Variants in ERBB2 observed in about 807,000 individuals in gnomAD.
The protein encoded by ERBB2 is erb-b2 receptor tyrosine kinase 2.
In ERBB2, 61 loss-of-function variants were observed where a neutral mutation model predicts 149.0. The ratio of observed to expected loss-of-function variants is 0.41; its 90% confidence interval spans 0.33 to 0.51. ERBB2 has a LOEUF of 0.51. Among genes scored for constraint, ERBB2 ranks in the 20% least tolerant of loss-of-function variants. ERBB2 has a pLI of 0.25. For missense variants in ERBB2, 1,205 were observed against 1,655.1 expected (o/e 0.73, Z 4.72); for synonymous variants, 633 against 678.8 (o/e 0.93, Z 1.05).
upstream of ERBB2, among the ~76,000 whole-genome samples, chr17:39,697,755 A>C (rs1567890548): frequency 6.6e-6 from 1 of 151,346 alleles, no homozygotes; most frequent in Non-Finnish European, 1.5e-5. Flanking sequence ...GTGCAGTGGC[A>C]AGATCTCAGC....
chr17:39,706,120 G>A (rs2058421352), intron 1 of ERBB2, among the ~76,000 whole-genome samples: 1 of 152,210 alleles, frequency 6.6e-6, no homozygotes, highest in Non-Finnish European at 1.5e-5. Context: ...ACCAGGCTGG[G>A]GTCCAAGTGG....
rs558623111 is a variant in ERBB2 at position 39,725,950 on chromosome 17, G to A, written c.2872+97G>A. 7.6e-7 allele frequency: 1 copy of A among 1,321,498 alleles called. No homozygotes were observed. Among genetic ancestry groups the A allele is most frequent in the African/African-American group, 1.5e-5 (1 of 67,650 alleles). The allele number at this position is 1,321,498 out of a possible 1,614,324, so 81.9% of individuals were successfully genotyped here. A position where few individuals can be genotyped will look rare whatever the true frequency, so the allele number is the denominator to read the frequency against. Reference sequence around the variant, plus strand: ...ATGAAAGGGGACCAGGATGTATGTAGACCCAGGAGCCCTAGTATGTTAGGA... The same window carrying A: ...ATGAAAGGGGACCAGGATGTATGTAAACCCAGGAGCCCTAGTATGTTAGGA... On this transcript the variant is annotated intron_variant, in intron 23 of 26. Coordinates refer to ENST00000269571, the MANE Select transcript of ERBB2 (RefSeq NM_004448.4). The surrounding 1 kb of genome is among the most constrained non-coding windows in gnomAD (Gnocchi z 4.6).
Position 39,723,710 on chromosome 17 carries a change from C to CT in ERBB2, c.2208+51dup. 1.3e-6 allele frequency: 2 copies of CT among 1,573,866 alleles called. No homozygotes were observed. The highest frequency in any genetic ancestry group is 1.7e-6 in the Non-Finnish European group (2 of 1,159,110). The stretch of plus-strand genomic sequence containing the variant: ...CGGCCCCAGAGGATGGGGGCGGTGC[C>CT]TGGAGGGGTGTGGTCGGCAGTTCTG... On this transcript the variant is annotated intron_variant, in intron 18 of 26. Coordinates refer to ENST00000269571, the MANE Select transcript of ERBB2 (RefSeq NM_004448.4). The surrounding 1 kb of genome is among the most constrained non-coding windows in gnomAD (Gnocchi z 6.2).
intron 14 of ERBB2, chr17:39,717,117 G>A: frequency 2.0e-6 from 1 of 510,588 alleles, no homozygotes; most frequent in Non-Finnish European, 3.4e-6. Flanking sequence ...TCAAGTCCCT[G>A]CCCAGGATCA....
rs71149796 is a variant in ERBB2, at chr17:39,724,272, A to ATTTTTTTTTTTT, written c.2307+267_2307+278dup. Among the ~76,000 whole-genome samples, 191 of 76,976 alleles carry ATTTTTTTTTTTT rather than the reference A, an allele frequency of 2.5e-3. 21 individuals are homozygous for ATTTTTTTTTTTT. Among genetic ancestry groups the ATTTTTTTTTTTT allele is most frequent in the African/African-American group, 8.0e-3 (176 of 21,928 alleles). 50.5% of individuals were successfully genotyped at this position (76,976 alleles called of 152,430 possible). ...TAGCTGGGATTACAAGCGCCCGCTA[A>ATTTTTTTTTTTT]TTTTTTTTTTTTTTTTGAGACAGAG... On this transcript the variant is annotated intron_variant, in intron 19 of 26. Coordinates refer to ENST00000269571, the MANE Select transcript of ERBB2 (RefSeq NM_004448.4).
At chr17:39,694,226 AATATATATATATATATATATATATATAT>A (rs1417710622), upstream of ERBB2, among the ~76,000 whole-genome samples, 181 of 18,528 alleles carry the variant, frequency 9.8e-3, 3 homozygotes, top group Non-Finnish European at 0.015. Context: ...AAAAAAAAAA[AATATATATATATATATATATATATATAT>A]ATATATATAT....
At chr17:39,704,384 G>T (rs2058295478) in intron 1 of ERBB2, among the ~76,000 whole-genome samples, 1 of 152,118 alleles carries the variant, frequency 6.6e-6, no homozygotes, top group Non-Finnish European at 1.5e-5. Flanking sequence ...GACCAGCCTG[G>T]CCAACATGGT....
intron 1 of ERBB2, among the ~76,000 whole-genome samples, chr17:39,702,370 A>G (rs1176900858): frequency 6.6e-6 from 1 of 152,198 alleles, no homozygotes; most frequent in Non-Finnish European, 1.5e-5. Flanking sequence ...TGGGGCAGGA[A>G]TGTGGGGGAA....
At chr17:39,693,456 A>C (rs1356340968), upstream of ERBB2, 1 of 152,312 alleles carries the variant, frequency 6.6e-6, no homozygotes, top group African/African-American at 2.4e-5. Flanking sequence ...TTTGCTATTG[A>C]TAAGTATTCT....
intron 1 of ERBB2, among the ~76,000 whole-genome samples, chr17:39,701,624 C>T (rs2058114784): frequency 6.6e-6 from 1 of 152,136 alleles, no homozygotes; most frequent in African/African-American, 2.4e-5. Flanking sequence ...GTTATCTCTG[C>T]AGGTCTACGC....
At chr17:39,705,626 C>T (rs1012204951) in intron 1 of ERBB2, among the ~76,000 whole-genome samples, 4 of 152,210 alleles carry the variant, frequency 2.6e-5, no homozygotes, top group African/African-American at 9.7e-5. Flanking sequence ...CTGAGTATCA[C>T]TAGGAGACCA....
upstream of ERBB2, among the ~76,000 whole-genome samples, chr17:39,694,212 AAAAAAAAAAAAAAAAT>A (rs1284550045): frequency 2.9e-4 from 15 of 51,712 alleles, no homozygotes; most frequent in African/African-American, 1.4e-3. Context: ...AAAAAAAAAA[AAAAAAAAAAAAAAAAT>A]ATATATATAT....
intron 2 of ERBB2, among the ~76,000 whole-genome samples, chr17:39,689,502 T>C (rs2057644372): frequency 6.6e-6 from 1 of 152,188 alleles, no homozygotes; most frequent in Non-Finnish European, 1.5e-5. Flanking sequence ...CATTTTGTCC[T>C]TTCTGTGACT....
At chr17:39,712,231 G>A (rs777186303) in intron 8 of ERBB2, 91 bp from the exon 9 acceptor site, 36 of 1,570,472 alleles carry the variant, frequency 2.3e-5, no homozygotes, top group Non-Finnish European at 2.9e-5. Context: ...AGTGTGGGGA[G>A]GGGCCCGGAC....
upstream of ERBB2, among the ~76,000 whole-genome samples, chr17:39,698,443 C>G (rs1446937921): frequency 6.6e-6 from 1 of 151,642 alleles, no homozygotes. Context: ...GTATTTTTAG[C>G]AGAGACAGGG....
intron 9 of ERBB2, among the ~76,000 whole-genome samples, chr17:39,714,240 C>T (rs2058986693): frequency 6.6e-6 from 1 of 152,108 alleles, no homozygotes; most frequent in Non-Finnish European, 1.5e-5. Flanking sequence ...TAAATGGGAA[C>T]ATATAGGGAG....
At chr17:39,720,126 G>C (rs4252641) in intron 16 of ERBB2, 164 of 439,664 alleles carry the variant, frequency 3.7e-4, no homozygotes, top group Non-Finnish European at 4.8e-4. Flanking sequence ...GGAAGTCAAG[G>C]GAGACTGAGA....
Position 39,725,382 on chromosome 17 carries a change from AG to A in ERBB2, c.2706del (p.Ser903ValfsTer8). 4 of 1,607,588 alleles carry A rather than the reference AG, an allele frequency of 2.5e-6. No individual in the cohort carries two copies. The highest frequency in any genetic ancestry group is 3.4e-6 in the Non-Finnish European group (4 of 1,176,232). The stretch of plus-strand genomic sequence containing the variant: ...ATTCTCCGCCGGCGGTTCACCCACC[AG>A]AGTGATGTGTGGAGTTATGGTGTGT... ...ESILRRRFTH[Q>X]SDVWSYGVTV... On this transcript the variant is annotated frameshift_variant, in exon 22 of 27. Transcript: ENST00000269571. LOFTEE classifies it high-confidence loss of function. The surrounding 1 kb of genome is among the most constrained non-coding windows in gnomAD (Gnocchi z 4.6).
At chr17:39,689,449 G>A (rs1032684811) in intron 2 of ERBB2, among the ~76,000 whole-genome samples, 2 of 152,130 alleles carry the variant, frequency 1.3e-5, no homozygotes, top group Non-Finnish European at 2.9e-5. Context: ...GCATCTTACA[G>A]ATTAGTTCTT....
Sources: gnomAD v4.1 joint callset for allele counts (sites outside exome capture counted in the v4.1 genomes callset) on GRCh38, gnomAD v4.1.1 for gene constraint, Gnocchi (gnomAD v3.1) non-coding constraint, MANE v1.5 for transcripts, NCBI Gene and HGNC (gene_info 2026-07-23, HGNC 2026-07-21) for gene names.